VPS53: variants seen among roughly 807,000 people sequenced by gnomAD.
The protein encoded by VPS53 is VPS53 subunit of GARP complex.
In VPS53, 70 loss-of-function variants were observed where a neutral mutation model predicts 107.0. The observed-to-expected ratio is 0.65, with a 90% CI of 0.54 to 0.80. VPS53 has a LOEUF of 0.80. VPS53 is among the 30% of genes least tolerant of loss of function. The pLI is 0.00. For synonymous variants in VPS53, 409 were observed against 393.3 expected, an observed-to-expected ratio of 1.04 and a Z score of -0.47; for missense variants, 917 against 1,049.4, an observed-to-expected ratio of 0.87 and a Z score of 1.74.
chr17:623,826 G>T (rs1049682290), intron 10 of VPS53, 152 bp from the exon 11 acceptor site: 1 of 821,906 alleles, frequency 1.2e-6, no homozygotes, highest in Admixed American at 3.4e-5. Context: ...CTAAAACCTG[G>T]GGAATAGAAA....
intron 11 of VPS53, among the ~76,000 whole-genome samples, chr17:606,559 G>A (rs1055025403): frequency 4.6e-5 from 7 of 152,078 alleles, no homozygotes; most frequent in Admixed American, 2.0e-4. Context: ...CATCCATGAC[G>A]GGCCACGGTA....
At chr17:563,856 A>G (rs1016005525) in intron 13 of VPS53, among the ~76,000 whole-genome samples, 5 of 152,234 alleles carry the variant, frequency 3.3e-5, no homozygotes, top group Non-Finnish European at 7.3e-5. Context: ...ATGCCTAAAC[A>G]AAGAGAAACT....
chr17:678,625 C>G (rs534450638), intron 4 of VPS53, among the ~76,000 whole-genome samples: 43 of 150,030 alleles, frequency 2.9e-4, no homozygotes, highest in African/African-American at 1.1e-3. Context: ...TGCCACCACT[C>G]CTGGCTAAAT....
rs1411016240 is a variant in VPS53, at chr17:593,082, G to A, written c.1219-6718C>T. The stretch of plus-strand genomic sequence containing the variant: ...GAAAGGATTCCCTATTTAATAAATG[G>A]TGCTGGGAAAACTGGCTAGCCATAT... On this transcript the variant is annotated intron_variant, in intron 12 of 21. Transcript: ENST00000437048. Among the ~76,000 whole-genome samples the A allele has an allele frequency of 2.0e-5, 3 of 152,094 alleles. No homozygotes were observed. The South Asian group carries it at 6.2e-4, about 32-fold the overall frequency.
intron 4 of VPS53, among the ~76,000 whole-genome samples, chr17:694,823 G>A (rs1260797153): frequency 6.6e-6 from 1 of 152,080 alleles, no homozygotes; most frequent in African/African-American, 2.4e-5. Flanking sequence ...GCTGGAGCGC[G>A]GCGGCACCAT....
intron 3 of VPS53, among the ~76,000 whole-genome samples, chr17:697,895 T>C (rs1432259493): frequency 2.6e-5 from 4 of 152,144 alleles, no homozygotes; most frequent in Non-Finnish European, 4.4e-5. Flanking sequence ...GAGTGATAGA[T>C]GGAATCAGTG....
At chr17:672,169 A>C (rs1399511499) in intron 4 of VPS53, among the ~76,000 whole-genome samples, 5,256 of 46,614 alleles carry the variant, frequency 0.11, no homozygotes, top group Middle Eastern at 0.23. Flanking sequence ...CTCTCACACA[A>C]TCTCAATCTC....
Position 519,817 on chromosome 17 carries a change from G to C in VPS53, c.2328+9C>G. 2 of 1,545,806 alleles carry C rather than the reference G, an allele frequency of 1.3e-6. No individual in the cohort carries two copies. Among genetic ancestry groups the C allele is most frequent in the Non-Finnish European group, 1.8e-6 (2 of 1,141,622 alleles). On this transcript the variant is annotated intron_variant, in intron 21 of 21. Coordinates refer to ENST00000437048, the MANE Select transcript of VPS53 (RefSeq NM_001128159.3). The surrounding 1 kb of genome is among the most constrained non-coding windows in gnomAD (Gnocchi z 5.0). ...TGAGCAGGTGTGGACCAAATGTCCCGGCACAAACCTTCATGTCCAGTATCT... is the reference window on the plus strand; with the variant it reads ...TGAGCAGGTGTGGACCAAATGTCCCCGCACAAACCTTCATGTCCAGTATCT...
chr17:594,602 C>T (rs112167772), intron 12 of VPS53, among the ~76,000 whole-genome samples: 1 of 144,440 alleles, frequency 6.9e-6, no homozygotes, highest in African/African-American at 2.6e-5. Context: ...CACTCTAGTG[C>T]CCCGCCCTGG....
rs571973777 is a variant in VPS53, at chr17:683,183, A to G, written c.285+14235T>C. Among the ~76,000 whole-genome samples the G allele has an allele frequency of 2.6e-5, 4 of 152,328 alleles. No homozygotes were observed. The South Asian group carries it at 8.3e-4, about 32-fold the overall frequency. On this transcript the variant is annotated intron_variant, in intron 4 of 21. Coordinates refer to ENST00000437048, the MANE Select transcript of VPS53 (RefSeq NM_001128159.3). ...GTATTAAATGTTCTAAAACACATGT[A>G]AGTAGAATTCTAGGAGGAAGAGAGA...
intron 7 of VPS53, among the ~76,000 whole-genome samples, chr17:650,528 G>T (rs1240249131): frequency 6.6e-6 from 1 of 151,992 alleles, no homozygotes; most frequent in African/African-American, 2.4e-5. Flanking sequence ...AATCTTACTA[G>T]CTACAAGGAA....
intron 11 of VPS53, among the ~76,000 whole-genome samples, chr17:608,146 C>A (rs991232433): frequency 6.6e-6 from 1 of 152,186 alleles, no homozygotes; most frequent in Non-Finnish European, 1.5e-5. Context: ...GTCAGGACTG[C>A]AAGCCCAGGG....
Position 520,362 on chromosome 17 carries a change from A to G in VPS53, c.2224-432T>C, listed in dbSNP as rs1908639436. Among the ~76,000 whole-genome samples the G allele has an allele frequency of 6.6e-6, 1 of 152,134 alleles. No homozygotes were observed. Among genetic ancestry groups the G allele is most frequent in the South Asian group, 2.1e-4 (1 of 4,824 alleles). The stretch of plus-strand genomic sequence containing the variant: ...CCTGTTCCAGGCATTTCACCAGTAC[A>G]CGGTACTTGCTCCTTCTGCCTTGAC... On this transcript the variant is annotated intron_variant, in intron 20 of 21. Coordinates refer to ENST00000437048, the MANE Select transcript of VPS53 (RefSeq NM_001128159.3). The surrounding 1 kb of genome is among the most constrained non-coding windows in gnomAD (Gnocchi z 4.4).
intron 11 of VPS53, among the ~76,000 whole-genome samples, chr17:622,729 CT>C (rs34150417): frequency 1.1e-5 from 1 of 89,848 alleles, no homozygotes. Context: ...TCTTTCTTTT[CT>C]TTTTTTTTAG....
intron 11 of VPS53, among the ~76,000 whole-genome samples, chr17:607,769 C>T: frequency 6.6e-6 from 1 of 152,180 alleles, no homozygotes; most frequent in East Asian, 1.9e-4. Context: ...AAGCAAAATT[C>T]TTCATATAGC....
intron 5 of VPS53, among the ~76,000 whole-genome samples, chr17:658,285 G>A (rs1431212098): frequency 7.9e-6 from 1 of 127,334 alleles, no homozygotes; most frequent in African/African-American, 2.7e-5. Context: ...AAACTCGGCC[G>A]TGAGTTCGTG....
In VPS53 at chr17:579,152, C is replaced by CAT. The variant is rs1567644322; in HGVS notation, c.1313+7117_1313+7118insAT. Among the ~76,000 whole-genome samples, 235 of 147,684 alleles carry CAT rather than the reference C, an allele frequency of 1.6e-3. 2 individuals are homozygous for CAT. The highest frequency in any genetic ancestry group is 7.4e-3 in the Middle Eastern group (2 of 270). On this transcript the variant is annotated intron_variant, in intron 13 of 21. Transcript: ENST00000437048. ...CAGAACCTAATGCGTTCCCAGAGAA[C>CAT]CTCCCTCAGAACCTAATGCGTTCCC...
intron 12 of VPS53, among the ~76,000 whole-genome samples, chr17:597,131 C>T (rs1046246249): frequency 3.9e-5 from 6 of 152,184 alleles, no homozygotes; most frequent in Non-Finnish European, 2.9e-5. Flanking sequence ...AAACGAAATA[C>T]CTTCTTTCAG....
chr17:619,410 T>C (rs970129982), intron 11 of VPS53, among the ~76,000 whole-genome samples: 3 of 142,196 alleles, frequency 2.1e-5, no homozygotes, highest in African/African-American at 8.0e-5. Context: ...TAGCTGGGAC[T>C]ACAGGCGTGC....
Sources: gnomAD v4.1 joint callset for allele counts (sites outside exome capture counted in the v4.1 genomes callset) on GRCh38, gnomAD v4.1.1 for gene constraint, Gnocchi (gnomAD v3.1) non-coding constraint, MANE v1.5 for transcripts, NCBI Gene and HGNC (gene_info 2026-07-23, HGNC 2026-07-21) for gene names.